DLG2: variants seen among roughly 807,000 people sequenced by gnomAD.
The protein encoded by DLG2 is disks large homolog 2.
A neutral mutation model predicts 132.5 loss-of-function variants in DLG2; 45 were observed. The ratio of observed to expected loss-of-function variants is 0.34; its 90% CI spans 0.27 to 0.44. The LOEUF (loss-of-function observed/expected upper bound fraction) is 0.44, where lower values mean the gene tolerates loss of function less well. Among genes scored for constraint, DLG2 ranks in the 20% least tolerant of loss-of-function variants. The probability of loss-of-function intolerance (pLI) is 1.00; values close to 1 mark genes in which losing one functional copy is unlikely to be tolerated. For missense variants in DLG2, 1,045 were observed against 1,196.9 expected (o/e 0.87, Z 1.87); for synonymous variants, 424 against 419.6 (o/e 1.01, Z -0.13).
intron 7 of DLG2, among the ~76,000 whole-genome samples, chr11:84,517,027 A>G (rs2099275460): frequency 7.4e-6 from 1 of 135,288 alleles, no homozygotes; most frequent in South Asian, 2.4e-4. Context: ...TAAAAAATAA[A>G]TAAATAAATA....
chr11:84,188,700 T>G (rs2096336222), intron 8 of DLG2, among the ~76,000 whole-genome samples: 2 of 152,122 alleles, frequency 1.3e-5, no homozygotes, highest in Non-Finnish European at 2.9e-5. Flanking sequence ...AATATTCTCT[T>G]TTGCTCCTCC....
At chr11:85,602,719 A>T (rs2080254579) in intron 2 of DLG2, among the ~76,000 whole-genome samples, 1 of 151,996 alleles carries the variant, frequency 6.6e-6, no homozygotes, top group South Asian at 2.1e-4. Context: ...GCAAAGGCCC[A>T]CCTCTCTGAC....
chr11:84,227,932 AT>A (rs71463201), intron 8 of DLG2, among the ~76,000 whole-genome samples: 7,506 of 146,028 alleles, frequency 0.051, 349 homozygotes, highest in East Asian at 0.21. Flanking sequence ...AAAAAAAAAA[AT>A]GTATGTTGAC....
At chr11:85,297,584 C>T (rs1029896754) in intron 3 of DLG2, among the ~76,000 whole-genome samples, 5 of 152,186 alleles carry the variant, frequency 3.3e-5, no homozygotes, top group African/African-American at 9.7e-5. Flanking sequence ...AGCTTCTTCT[C>T]GTATTTTCTT....
chr11:83,966,010 C>T (rs1389341486), intron 12 of DLG2, among the ~76,000 whole-genome samples: 2 of 151,952 alleles, frequency 1.3e-5, no homozygotes, highest in East Asian at 3.9e-4. Flanking sequence ...ATGATCTAAC[C>T]AGTTTCTTAC....
At chr11:85,319,620 G>T (rs2080914542) in intron 3 of DLG2, among the ~76,000 whole-genome samples, 1 of 151,788 alleles carries the variant, frequency 6.6e-6, no homozygotes, top group Non-Finnish European at 1.5e-5. Flanking sequence ...CACAAGGTAA[G>T]GTAGAGAAGA....
chr11:83,462,486 T>C (rs192713502), intron 26 of DLG2, among the ~76,000 whole-genome samples: 3 of 152,288 alleles, frequency 2.0e-5, no homozygotes, highest in African/African-American at 2.4e-5. Context: ...TATCCCCTCA[T>C]TGGATGTGAT....
intron 18 of DLG2, among the ~76,000 whole-genome samples, chr11:83,683,685 G>A (rs890953983): frequency 1.3e-5 from 2 of 152,114 alleles, no homozygotes; most frequent in South Asian, 2.1e-4. Context: ...CTAGTTTATA[G>A]TATGTACCCC....
intron 6 of DLG2, among the ~76,000 whole-genome samples, chr11:85,088,061 C>G (rs1203439064): frequency 6.6e-6 from 1 of 151,994 alleles, no homozygotes; most frequent in Non-Finnish European, 1.5e-5. Flanking sequence ...AGTTAAAATG[C>G]TATTGTTTGT....
intron 7 of DLG2, among the ~76,000 whole-genome samples, chr11:84,397,411 A>G (rs901842348): frequency 2.0e-5 from 3 of 152,262 alleles, no homozygotes; most frequent in African/African-American, 7.2e-5. Context: ...GGACCCACAG[A>G]TGATGAATTC....
At chr11:85,246,279 A>G (rs1234084985) in intron 4 of DLG2, among the ~76,000 whole-genome samples, 3 of 151,988 alleles carry the variant, frequency 2.0e-5, no homozygotes, top group African/African-American at 7.2e-5. Context: ...AAACAACAAA[A>G]TGAATATAGA....
At chr11:85,038,015 A>C (rs768520072) in intron 6 of DLG2, among the ~76,000 whole-genome samples, 2 of 152,106 alleles carry the variant, frequency 1.3e-5, no homozygotes, top group Non-Finnish European at 2.9e-5. Context: ...TCCAAATAGG[A>C]ATCTGGGTCC....
chr11:85,132,630 C>A, intron 5 of DLG2: 1 of 399,566 alleles, frequency 2.5e-6, no homozygotes, highest in Non-Finnish European at 5.2e-6. Context: ...CCTCAGGGAA[C>A]AAAATGCCCA....
intron 6 of DLG2, among the ~76,000 whole-genome samples, chr11:85,103,401 T>C (rs1011847291): frequency 4.7e-4 from 72 of 151,920 alleles, no homozygotes; most frequent in African/African-American, 1.7e-3. Context: ...GGCAAAAGGA[T>C]ACACATAAAG....
At chr11:84,539,932 A>C (rs983257903) in intron 6 of DLG2, among the ~76,000 whole-genome samples, 2 of 152,172 alleles carry the variant, frequency 1.3e-5, no homozygotes, top group African/African-American at 4.8e-5. Flanking sequence ...CAAAAACAAG[A>C]AATGGGGAAA....
chr11:84,604,354 C>A (rs1363305582), intron 6 of DLG2, among the ~76,000 whole-genome samples: 3 of 151,742 alleles, frequency 2.0e-5, no homozygotes, highest in African/African-American at 7.3e-5. Flanking sequence ...TGTACAAATC[C>A]TGGGGCAGTG....
intron 18 of DLG2, among the ~76,000 whole-genome samples, chr11:83,677,432 G>A (rs564717990): frequency 1.3e-5 from 2 of 152,238 alleles, no homozygotes; most frequent in East Asian, 1.9e-4. Context: ...TCATATGGAG[G>A]AGAGCATAGC....
At chr11:85,619,840 A>T (rs943419420) in intron 2 of DLG2, among the ~76,000 whole-genome samples, 1 of 152,188 alleles carries the variant, frequency 6.6e-6, no homozygotes, top group African/African-American at 2.4e-5. Context: ...TCTCAAAAAA[A>T]AAAAGACAAG....
Position 84,884,723 on chromosome 11 carries a change from C to T in DLG2, c.357+226938G>A, listed in dbSNP as rs578158769. On this transcript the variant is annotated intron_variant, in intron 6 of 27. Transcript: ENST00000376104. ...TATATTTTATTTTCATTAGCATATC[C>T]AGGGGATACAGTATTGCCTTCTTAT... Among the ~76,000 whole-genome samples, 15 of 151,994 alleles carry T rather than the reference C, an allele frequency of 9.9e-5. 1 individual carries two copies. In the East Asian group the frequency reaches 2.7e-3, roughly 28 times the overall value.
Sources: allele counts gnomAD v4.1 joint callset (sites outside exome capture counted in the v4.1 genomes callset), GRCh38; gene constraint gnomAD v4.1.1; transcripts MANE v1.5; gene names NCBI Gene and HGNC (gene_info 2026-07-23, HGNC 2026-07-21).